CCNB3: variants seen among roughly 807,000 people sequenced by gnomAD.
CCNB3 encodes G2/mitotic-specific cyclin-B3.
In CCNB3, 12 loss-of-function variants were observed where a neutral mutation model predicts 68.0. That is an observed-to-expected ratio of 0.18 (90% CI 0.11 to 0.29). The LOEUF (loss-of-function observed/expected upper bound fraction) is 0.29, where lower values mean the gene tolerates loss of function less well. Among genes scored for constraint, CCNB3 ranks in the 10% least tolerant of loss-of-function variants. The pLI is 1.00. For missense variants in CCNB3, 904 were observed against 993.1 expected, an observed-to-expected ratio of 0.91 and a Z score of 1.21; for synonymous variants, 354 against 388.9, an observed-to-expected ratio of 0.91 and a Z score of 1.06.
intron 8 of CCNB3, among the ~76,000 whole-genome samples, chrX:50,334,568 G>GTTGTTTTGAGAGATAGACCACTGGCC (rs1440456033): frequency 1.7e-4 from 19 of 112,657 alleles, no homozygotes; most frequent in African/African-American, 6.1e-4. Flanking sequence ...ACCCCATCTA[G>GTTGTTTTGAGAGATAGACCACTGGCC]TTGTTTTGAG....
chrX:50,203,399 A>G (rs782069701), upstream of CCNB3, among the ~76,000 whole-genome samples: 4 of 112,209 alleles, frequency 3.6e-5, no homozygotes, highest in Non-Finnish European at 7.5e-5. Flanking sequence ...GATTTAGCCT[A>G]CCTTTTATGT....
chrX:50,298,167 T>C (rs1353688784), intron 5 of CCNB3, among the ~76,000 whole-genome samples: 10 of 111,683 alleles, frequency 9.0e-5, no homozygotes, highest in Admixed American at 8.6e-4. Flanking sequence ...TCCAACACTA[T>C]GTTGAATAGG....
chrX:50,279,552 A>G lies in CCNB3; in HGVS notation c.-112-4990A>G, dbSNP rs1294288823. 1.0e-4 allele frequency among the ~76,000 whole-genome samples: 9 copies of G among 85,807 alleles called. No individual in the cohort carries two copies. The Admixed American group carries it at 1.2e-3, about 11-fold the overall frequency. 74.5% of individuals were successfully genotyped at this position (85,807 alleles called of 115,157 possible). A position where few individuals can be genotyped will look rare whatever the true frequency, so the allele number is the denominator to read the frequency against. On this transcript the variant is annotated intron_variant, in intron 1 of 12. Transcript: ENST00000376042. ...ATATGAATATATATTCATATATATA[A>G]ATATATGAATATATATTTTCTATAT...
rs1557215020 is a variant in CCNB3, at chrX:50,311,498, T to C, written c.3327+2T>C. On this transcript the variant is annotated splice_donor_variant, in intron 6 of 12. Transcript: ENST00000376042. LOFTEE classifies it high-confidence loss of function. Reference sequence around the variant, plus strand: ...CAGGCCAAGGGAACACCAAAGGAGGTATTCATCTCCCTTTCTTCTTAAATT... The same window carrying C: ...CAGGCCAAGGGAACACCAAAGGAGGCATTCATCTCCCTTTCTTCTTAAATT... 1 of 1,155,310 alleles carries C rather than the reference T, an allele frequency of 8.7e-7. No homozygotes were observed. The highest frequency in any genetic ancestry group is 3.0e-5 in the East Asian group (1 of 33,298).
At chrX:50,334,345 T>C (rs1557218493) in intron 8 of CCNB3, among the ~76,000 whole-genome samples, 1 of 112,775 alleles carries the variant, frequency 8.9e-6, no homozygotes, top group Non-Finnish European at 1.9e-5. Flanking sequence ...GTTACAGACT[T>C]CAGTGGTTAT....
Position 50,309,778 on chromosome X carries a change from T to C in CCNB3, c.1609T>C (p.Cys537Arg), listed in dbSNP as rs1921306958. The C allele has an allele frequency of 1.7e-6, 2 of 1,210,526 alleles. No individual in the cohort carries two copies. The highest frequency in any genetic ancestry group is 2.2e-6 in the Non-Finnish European group (2 of 894,762). ...AGAAAAAGTGTCTTTAAAGAAAAAG[T>C]GTACCACACAAGAGATGATGTCCAT... ...KEEKVSLKKKCTTQEMMSICP... is the reference protein window; with the variant it reads ...KEEKVSLKKKRTTQEMMSICP... Residue 537 changes from cysteine (C) to arginine (R), a missense_variant, in exon 6 of 13, where the codon TGT (cysteine) becomes CGT (arginine). Cys to Arg is a radical substitution (Grantham distance 180). Transcript: ENST00000376042.
intron 3 of CCNB3, among the ~76,000 whole-genome samples, chrX:50,286,927 C>T (rs1557209422): frequency 3.6e-5 from 4 of 112,559 alleles, no homozygotes; most frequent in African/African-American, 1.3e-4. Context: ...GGATTACAGG[C>T]GTGAGCCGCC....
intron 5 of CCNB3, among the ~76,000 whole-genome samples, chrX:50,301,931 G>A (rs1557212716): frequency 1.8e-5 from 2 of 112,833 alleles, no homozygotes; most frequent in South Asian, 3.7e-4. Flanking sequence ...GACCCTCCGA[G>A]CCATGTGCGG....
At chrX:50,227,385 CAT>C (rs1232614159) in intron 1 of CCNB3, among the ~76,000 whole-genome samples, 15 of 75,547 alleles carry the variant, frequency 2.0e-4, no homozygotes, top group Non-Finnish European at 3.1e-4. Flanking sequence ...TAAATATATA[CAT>C]AGATATATAT....
At chrX:50,228,431 T>G (rs923286150) in intron 1 of CCNB3, among the ~76,000 whole-genome samples, 15 of 90,758 alleles carry the variant, frequency 1.7e-4, no homozygotes, top group African/African-American at 4.6e-4. Context: ...AGAATATATA[T>G]AGAGGATATA....
chrX:50,228,691 CATAGAATATATAT>C (rs1407774348), intron 1 of CCNB3, among the ~76,000 whole-genome samples: 1 of 60,740 alleles, frequency 1.6e-5, no homozygotes, highest in Non-Finnish European at 2.9e-5. Context: ...AGAATATATA[CATAGAATATATAT>C]AGAATATATA....
At chrX:50,220,421 T>C (rs1385382644) in intron 1 of CCNB3, among the ~76,000 whole-genome samples, 1 of 111,748 alleles carries the variant, frequency 8.9e-6, no homozygotes, top group Admixed American at 9.5e-5. Flanking sequence ...AAATAGCTCT[T>C]ATTATTTTGA....
At chrX:50,222,259 G>A (rs955536874) in intron 1 of CCNB3, among the ~76,000 whole-genome samples, 54 of 111,125 alleles carry the variant, frequency 4.9e-4, no homozygotes, top group African/African-American at 1.6e-3. Flanking sequence ...CATTTAGCCC[G>A]TTTACATTTA....
At chrX:50,284,312 A>G (rs1336824499) in intron 1 of CCNB3, among the ~76,000 whole-genome samples, 1 of 111,368 alleles carries the variant, frequency 9.0e-6, no homozygotes, top group African/African-American at 3.3e-5. Flanking sequence ...CCTAGAAACT[A>G]TGTAAACGGT....
Position 50,309,079 on chromosome X carries a change from G to C in CCNB3, c.910G>C (p.Val304Leu), listed in dbSNP as rs782080579. 8.3e-7 allele frequency: 1 copy of C among 1,210,363 alleles called. No individual in the cohort carries two copies. Among genetic ancestry groups the C allele is most frequent in the Non-Finnish European group, 1.1e-6 (1 of 894,296 alleles). The change falls in exon 6 of 13, where the codon GTA (valine) becomes CTA (leucine). Residue 304 changes from valine to leucine, a missense_variant. By Grantham distance (32) the Val-to-Leu change is conservative (BLOSUM62 1). Coordinates refer to ENST00000376042, the MANE Select transcript of CCNB3 (RefSeq NM_033031.3). ...GATATGCCACTTTAGGAAGCCACCA[G>C]TATTGCAGACAACCATCTGTGGAGC... Reference protein sequence around the residue: ...GKICHFRKPPVLQTTICGAMS... With the variant: ...GKICHFRKPPLLQTTICGAMS...
intron 1 of CCNB3, among the ~76,000 whole-genome samples, chrX:50,207,755 A>G (rs781852898): frequency 6.0e-4 from 67 of 112,230 alleles, no homozygotes; most frequent in Non-Finnish European, 9.9e-4. Context: ...TTGTTGAAAT[A>G]TGATTCATAT....
intron 1 of CCNB3, among the ~76,000 whole-genome samples, chrX:50,226,851 A>G (rs1379428036): frequency 1.3e-5 from 1 of 75,737 alleles, no homozygotes; most frequent in Non-Finnish European, 2.3e-5. Context: ...GTATATATAT[A>G]GAATATATAT....
chrX:50,279,462 A>T (rs1252007598), intron 1 of CCNB3, among the ~76,000 whole-genome samples: 1 of 82,142 alleles, frequency 1.2e-5, no homozygotes, highest in Non-Finnish European at 2.2e-5. Context: ...AAATATATAT[A>T]AATATATAAA....
At chrX:50,312,718 G>A in intron 7 of CCNB3, 86 bp downstream of exon 7, 3 of 578,688 alleles carry the variant, frequency 5.2e-6, no homozygotes, top group East Asian at 3.5e-5. Context: ...TGAAAGGGGT[G>A]GTAATAATGA....
Sources: allele counts gnomAD v4.1 joint callset (sites outside exome capture counted in the v4.1 genomes callset), GRCh38; gene constraint gnomAD v4.1.1; transcripts MANE v1.5; gene names NCBI Gene and HGNC (gene_info 2026-07-23, HGNC 2026-07-21).